Variants in BMPER observed in about 807,000 individuals in gnomAD.
The protein encoded by BMPER is BMP binding endothelial regulator.
BMPER carries 45 observed loss-of-function variants against 87.3 expected under a neutral mutation model. The ratio of observed to expected loss-of-function variants is 0.52; its 90% CI spans 0.41 to 0.66. BMPER has a LOEUF of 0.66. Ranked by LOEUF, BMPER falls within the 30% of genes least tolerant of loss-of-function variation. The pLI, the probability that BMPER is intolerant of heterozygous loss-of-function variation, is 0.00. For missense variants in BMPER, 784 were observed against 867.5 expected (o/e 0.90, Z 1.21); for synonymous variants, 326 against 316.2 (o/e 1.03, Z -0.33).
intron 6 of BMPER, among the ~76,000 whole-genome samples, chr7:33,991,244 C>T (rs868728832): frequency 9.3e-4 from 140 of 151,092 alleles, no homozygotes; most frequent in African/African-American, 3.2e-3. Flanking sequence ...TCCATCTGGT[C>T]GTGGACTCTT....
chr7:34,125,342 C>T lies in BMPER; in HGVS notation c.1746-17888C>T, dbSNP rs199827105. ...ACCATTGCTGATCATTTGTCCCCTC[C>T]TCAATGAAGTTTTCTCAAATATGCC... On this transcript the variant is annotated intron_variant, in intron 13 of 14. Transcript: ENST00000649409. Among the ~76,000 whole-genome samples the T allele has an allele frequency of 2.0e-5, 3 of 152,290 alleles. No homozygotes were observed. In the East Asian group the frequency reaches 5.8e-4, roughly 29 times the overall value.
At chr7:34,108,247 T>TG (rs894935600) in intron 13 of BMPER, among the ~76,000 whole-genome samples, 5 of 152,204 alleles carry the variant, frequency 3.3e-5, no homozygotes, top group Admixed American at 6.5e-5. Context: ...TAGACCTACA[T>TG]GGGGGTTGTA....
chr7:33,905,767 GACC>G, intron 1 of BMPER, 21 bp downstream of exon 1: 1 of 914,050 alleles, frequency 1.1e-6, no homozygotes, highest in African/African-American at 1.7e-5. Flanking sequence ...GGGCGGGAGG[GACC>G]GGCCCTCCGG....
intron 6 of BMPER, among the ~76,000 whole-genome samples, chr7:34,026,846 A>G (rs985388259): frequency 6.6e-6 from 1 of 152,102 alleles, no homozygotes; most frequent in African/African-American, 2.4e-5. Context: ...ATGGGTGTAA[A>G]TGACTATTAT....
chr7:33,955,578 A>G (rs942864763), intron 3 of BMPER, among the ~76,000 whole-genome samples: 1 of 152,212 alleles, frequency 6.6e-6, no homozygotes, highest in African/African-American at 2.4e-5. Context: ...GTACTCAGCA[A>G]ACATAGGCCG....
In BMPER at chr7:33,945,559, C is replaced by T. The variant is rs535477252; in HGVS notation, c.319+8171C>T. Among the ~76,000 whole-genome samples the T allele has an allele frequency of 4.6e-5, 7 of 152,192 alleles. No individual in the cohort carries two copies. The South Asian group carries it at 1.5e-3, about 32-fold the overall frequency. ...AAGCCACCGTCCCTGGCCAGTGTTA[C>T]TGCTTTTATCTACCAAGAGCTCTCA... On this transcript the variant is annotated intron_variant, in intron 3 of 14. Coordinates refer to ENST00000649409, the MANE Select transcript of BMPER (RefSeq NM_001365308.1).
At chr7:34,043,757 T>C (rs1787890465) in intron 6 of BMPER, among the ~76,000 whole-genome samples, 1 of 152,180 alleles carries the variant, frequency 6.6e-6, no homozygotes, top group Non-Finnish European at 1.5e-5. Context: ...GGATAGATGC[T>C]GGAAAGAAGG....
intron 6 of BMPER, among the ~76,000 whole-genome samples, chr7:34,024,901 C>T (rs1379951128): frequency 3.3e-5 from 5 of 152,020 alleles, no homozygotes; most frequent in African/African-American, 1.2e-4. Flanking sequence ...AATTCTGATG[C>T]AGGTGCCCAA....
At chr7:33,977,311 C>A (rs1391404654) in intron 6 of BMPER, among the ~76,000 whole-genome samples, 1 of 151,546 alleles carries the variant, frequency 6.6e-6, no homozygotes, top group East Asian at 1.9e-4. Context: ...CAGCAAATGG[C>A]CCTCTCTTGA....
intron 2 of BMPER, among the ~76,000 whole-genome samples, chr7:33,922,833 T>C (rs1784268779): frequency 6.6e-6 from 1 of 152,182 alleles, no homozygotes; most frequent in Admixed American, 6.5e-5. Context: ...TTTTTTTTAC[T>C]AATGATGATG....
intron 13 of BMPER, among the ~76,000 whole-genome samples, chr7:34,132,579 G>A (rs1337647369): frequency 6.6e-6 from 1 of 152,188 alleles, no homozygotes; most frequent in Non-Finnish European, 1.5e-5. Flanking sequence ...TTCAAAGACG[G>A]TATGTATCTA....
At position 34,137,014 on chromosome 7, in the gene BMPER, T is replaced by C. The variant is rs368426606; in HGVS notation, c.1746-6216T>C. Among the ~76,000 whole-genome samples the C allele has an allele frequency of 1.8e-4, 27 of 152,384 alleles. No homozygotes were observed. The South Asian group carries it at 5.6e-3, about 32-fold the overall frequency. ...GAGAGCAGAGGGGAAACCACTCGGA[T>C]ATGCTGTTGCTAGGAAGCATAGATG... On this transcript the variant is annotated intron_variant, in intron 13 of 14. Coordinates refer to ENST00000649409, the MANE Select transcript of BMPER (RefSeq NM_001365308.1).
intron 2 of BMPER, among the ~76,000 whole-genome samples, chr7:33,925,538 G>A (rs1408653568): frequency 1.3e-5 from 2 of 152,120 alleles, no homozygotes; most frequent in African/African-American, 4.8e-5. Context: ...GGACTTGGTA[G>A]CATGATAATT....
In BMPER at chr7:34,072,400, C is replaced by T. The variant is rs181569253; in HGVS notation, c.1079-6457C>T. ...GGCTAAAATCGAGGTGTCAGCAGGGCTGTGTTTCTTCTGAATGCCCTAGGG... is the reference window on the plus strand; with the variant it reads ...GGCTAAAATCGAGGTGTCAGCAGGGTTGTGTTTCTTCTGAATGCCCTAGGG... On this transcript the variant is annotated intron_variant, in intron 11 of 14. Coordinates refer to ENST00000649409, the MANE Select transcript of BMPER (RefSeq NM_001365308.1). 2.6e-3 allele frequency among the ~76,000 whole-genome samples: 399 copies of T among 151,806 alleles called. 1 individual carries two copies. The highest frequency in any genetic ancestry group is 9.4e-3 in the African/African-American group (388 of 41,390).
intron 6 of BMPER, among the ~76,000 whole-genome samples, chr7:34,036,482 A>G (rs1397597355): frequency 1.3e-5 from 2 of 152,114 alleles, no homozygotes; most frequent in African/African-American, 4.8e-5. Flanking sequence ...GGCCCTTATC[A>G]GCAGGCCCCG....
At chr7:33,937,433 G>T in intron 3 of BMPER, 45 bp downstream of exon 3, 1 of 1,581,386 alleles carries the variant, frequency 6.3e-7, no homozygotes, top group Non-Finnish European at 8.7e-7. Flanking sequence ...GCTGCTTCAG[G>T]CATTTTTATT....
intron 6 of BMPER, among the ~76,000 whole-genome samples, chr7:34,012,755 A>C (rs1184550623): frequency 6.6e-6 from 1 of 151,962 alleles, no homozygotes; most frequent in Non-Finnish European, 1.5e-5. Context: ...TGATTGAGGA[A>C]ATATGAACAA....
At chr7:34,036,524 G>A (rs1474677199) in intron 6 of BMPER, among the ~76,000 whole-genome samples, 5 of 152,232 alleles carry the variant, frequency 3.3e-5, no homozygotes, top group African/African-American at 9.6e-5. Context: ...AGTTAGCCCT[G>A]GAAGGGGAAA....
chr7:33,993,565 T>C (rs1346747436), intron 6 of BMPER, among the ~76,000 whole-genome samples: 1 of 151,956 alleles, frequency 6.6e-6, no homozygotes, highest in Non-Finnish European at 1.5e-5. Flanking sequence ...TTGGTTTGAA[T>C]GTCCTCCCGT....
Sources: allele counts gnomAD v4.1 joint callset (sites outside exome capture counted in the v4.1 genomes callset), GRCh38; gene constraint gnomAD v4.1.1; transcripts MANE v1.5; gene names NCBI Gene and HGNC (gene_info 2026-07-23, HGNC 2026-07-21).